Variants in LIMCH1 observed in about 807,000 individuals in gnomAD.
The protein encoded by LIMCH1 is LIM and calponin homology domains 1.
A neutral mutation model predicts 176.5 loss-of-function variants in LIMCH1; 113 were observed. That is an observed-to-expected ratio of 0.64 (90% confidence interval 0.55 to 0.75). The LOEUF (loss-of-function observed/expected upper bound fraction) is 0.75. Ranked by LOEUF, LIMCH1 falls within the 30% of genes least tolerant of loss-of-function variation. LIMCH1 has a pLI of 0.00. For missense variants in LIMCH1, 1,674 were observed against 1,814.9 expected (o/e 0.92, Z 1.41); for synonymous variants, 619 against 645.9 (o/e 0.96, Z 0.63).
intron 1 of LIMCH1, among the ~76,000 whole-genome samples, chr4:41,485,697 T>C (rs879341113): frequency 6.6e-6 from 1 of 152,212 alleles, no homozygotes; most frequent in African/African-American, 2.4e-5. Context: ...TAGGGAACTA[T>C]GAGAACTTTC....
intron 2 of LIMCH1, among the ~76,000 whole-genome samples, chr4:41,507,630 T>C (rs1159462270): frequency 2.0e-5 from 3 of 152,206 alleles, no homozygotes; most frequent in African/African-American, 7.2e-5. Flanking sequence ...TATGGATTTC[T>C]TAATATAATT....
intron 1 of LIMCH1, among the ~76,000 whole-genome samples, chr4:41,436,233 T>G (rs2062065489): frequency 6.6e-6 from 1 of 152,192 alleles, no homozygotes; most frequent in South Asian, 2.1e-4. Context: ...TAGATCTAGG[T>G]ACCTGGACTC....
At chr4:41,588,416 C>G (rs2086874658) in intron 1 of LIMCH1, among the ~76,000 whole-genome samples, 1 of 151,876 alleles carries the variant, frequency 6.6e-6, no homozygotes, top group African/African-American at 2.4e-5. Context: ...ACCAAGGATG[C>G]CTGGAAGGAT....
At chr4:41,658,721 A>G (rs2094530516) in intron 18 of LIMCH1, among the ~76,000 whole-genome samples, 2 of 152,240 alleles carry the variant, frequency 1.3e-5, no homozygotes, top group South Asian at 4.1e-4. Context: ...CTAAAGTAAT[A>G]CAACTTAAAA....
chr4:41,620,248 CATT>C, intron 6 of LIMCH1, 173 bp from the exon 7 acceptor site: 1 of 628,634 alleles, frequency 1.6e-6, no homozygotes, highest in Non-Finnish European at 2.7e-6. Context: ...GGGTATGATG[CATT>C]GTATGAATTA....
In LIMCH1 at chr4:41,646,476, G is replaced by T; in HGVS notation, c.2412-9G>T. The T allele has an allele frequency of 6.2e-7, 1 of 1,608,410 alleles. No individual in the cohort carries two copies. The highest frequency in any genetic ancestry group is 8.5e-7 in the Non-Finnish European group (1 of 1,176,372). ...TTGACTTTGTTATTGCTTCTCCCAT[G>T]TCCTTTAGAGAGCGGAGAGAGAGAG... On this transcript the variant is annotated splice_polypyrimidine_tract_variant and intron_variant, in intron 16 of 31. Coordinates refer to ENST00000503057, the MANE Select transcript of LIMCH1 (RefSeq NM_001330672.2).
intron 1 of LIMCH1, among the ~76,000 whole-genome samples, chr4:41,434,853 T>C (rs2061928259): frequency 6.6e-6 from 1 of 152,226 alleles, no homozygotes; most frequent in Non-Finnish European, 1.5e-5. Flanking sequence ...TCTGAGTGAC[T>C]GAGCATGGTG....
At chr4:41,672,585 A>G (rs1277109778) in intron 22 of LIMCH1, among the ~76,000 whole-genome samples, 1 of 152,198 alleles carries the variant, frequency 6.6e-6, no homozygotes, top group Non-Finnish European at 1.5e-5. Flanking sequence ...GACCAATAAT[A>G]ACTGTAATGT....
At chr4:41,600,796 G>A (rs1211344986) in intron 2 of LIMCH1, among the ~76,000 whole-genome samples, 1 of 151,804 alleles carries the variant, frequency 6.6e-6, no homozygotes, top group African/African-American at 2.4e-5. Context: ...CAACTGACTT[G>A]TAAAAAAAAA....
At chr4:41,478,475 T>C (rs989305792) in intron 1 of LIMCH1, among the ~76,000 whole-genome samples, 19 of 152,262 alleles carry the variant, frequency 1.2e-4, no homozygotes. Flanking sequence ...TCTAATAACT[T>C]GTTTGGGTGA....
intron 1 of LIMCH1, among the ~76,000 whole-genome samples, chr4:41,567,485 A>G (rs1289909746): frequency 1.3e-5 from 2 of 152,196 alleles, no homozygotes; most frequent in African/African-American, 2.4e-5. Context: ...AGTAGCAGCA[A>G]TAGTAGTAAT....
upstream of LIMCH1, among the ~76,000 whole-genome samples, chr4:41,535,427 G>A (rs1218057451): frequency 1.3e-5 from 2 of 152,122 alleles, no homozygotes; most frequent in South Asian, 2.1e-4. Context: ...GAGTGGGTTT[G>A]TTCTAAGGCC....
Position 41,696,928 on chromosome 4 carries a change from G to T in LIMCH1, c.4379-232G>T, listed in dbSNP as rs75761431. Among the ~76,000 whole-genome samples the T allele has an allele frequency of 6.9e-4, 105 of 152,278 alleles. 1 individual carries two copies. The East Asian group carries it at 0.019, about 27-fold the overall frequency. ...TGCATGTGAATCACCTGGGCACCACGTTAAGTGGGTCTGGAATGCGGCTTA... is the reference window on the plus strand; with the variant it reads ...TGCATGTGAATCACCTGGGCACCACTTTAAGTGGGTCTGGAATGCGGCTTA... On this transcript the variant is annotated intron_variant, in intron 31 of 31. Coordinates refer to ENST00000503057, the MANE Select transcript of LIMCH1 (RefSeq NM_001330672.2).
chr4:41,524,320 A>C (rs980991018), intron 2 of LIMCH1: 1 of 962,760 alleles, frequency 1.0e-6, no homozygotes, highest in African/African-American at 1.6e-5. Flanking sequence ...TTTCCTATCC[A>C]GCAATTTAGC....
intron 18 of LIMCH1, among the ~76,000 whole-genome samples, chr4:41,652,936 G>C (rs1479705916): frequency 6.6e-6 from 1 of 152,132 alleles, no homozygotes; most frequent in Middle Eastern, 3.2e-3. Context: ...TTCTTCCTTG[G>C]AGAAATTGCC....
intron 1 of LIMCH1, among the ~76,000 whole-genome samples, chr4:41,423,338 G>A (rs972659756): frequency 6.6e-6 from 1 of 152,154 alleles, no homozygotes; most frequent in Non-Finnish European, 1.5e-5. Context: ...TGAAGTCTGG[G>A]AAAGAGTTTT....
At chr4:41,474,964 G>A (rs572545338) in intron 1 of LIMCH1, among the ~76,000 whole-genome samples, 1 of 152,044 alleles carries the variant, frequency 6.6e-6, no homozygotes, top group Admixed American at 6.5e-5. Context: ...TATACACAAA[G>A]GAGTATTATT....
intron 1 of LIMCH1, among the ~76,000 whole-genome samples, chr4:41,375,901 C>T (rs1173497227): frequency 2.0e-5 from 3 of 152,168 alleles, no homozygotes; most frequent in African/African-American, 7.2e-5. Context: ...GCAGATTTTT[C>T]CTTTTTTCTT....
chr4:41,491,369 C>CCCT (rs1360173233), intron 1 of LIMCH1, among the ~76,000 whole-genome samples: 171 of 117,858 alleles, frequency 1.5e-3, no homozygotes, highest in South Asian at 3.6e-3. Flanking sequence ...GCAGAGGTGC[C>CCCT]CACTTCCCCG....
Sources: gnomAD v4.1 joint callset for allele counts (sites outside exome capture counted in the v4.1 genomes callset) on GRCh38, gnomAD v4.1.1 for gene constraint, MANE v1.5 for transcripts, NCBI Gene and HGNC (gene_info 2026-07-23, HGNC 2026-07-21) for gene names.